Variants in ADCY7 observed in about 807,000 individuals in gnomAD.
The protein encoded by ADCY7 is adenylate cyclase 7.
ADCY7 carries 72 observed loss-of-function variants against 120.6 expected under a neutral mutation model. That is an observed-to-expected ratio of 0.60 (90% CI 0.49 to 0.73). The LOEUF (loss-of-function observed/expected upper bound fraction) is 0.73. Ranked by LOEUF, ADCY7 falls within the 30% of genes least tolerant of loss-of-function variation. ADCY7 has a pLI of 0.00. For missense variants in ADCY7, 1,227 were observed against 1,486.0 expected (o/e 0.83, Z 2.87); for synonymous variants, 661 against 628.0 (o/e 1.05, Z -0.78).
chr16:50,269,372 T>G (rs1361080632), intron 1 of ADCY7, among the ~76,000 whole-genome samples: 1 of 152,178 alleles, frequency 6.6e-6, no homozygotes, highest in South Asian at 2.1e-4. Context: ...GGGGCTCTGG[T>G]TGGTGCTGAG....
chr16:50,286,226 C>G (rs1190760281), intron 1 of ADCY7, among the ~76,000 whole-genome samples: 2 of 151,200 alleles, frequency 1.3e-5, no homozygotes, highest in Non-Finnish European at 3.0e-5. Flanking sequence ...AACCCCATCT[C>G]TACAAAAAAT....
intron 22 of ADCY7, 60 bp downstream of exon 22, chr16:50,313,096 G>T: frequency 6.3e-7 from 1 of 1,596,818 alleles, no homozygotes; most frequent in Non-Finnish European, 8.6e-7. Flanking sequence ...AGGGAAGGGC[G>T]GTGGCACCTG....
rs373637597 is a variant in ADCY7, at chr16:50,308,822, C to T, written c.2061+30C>T. The T allele has an allele frequency of 1.7e-4, 262 of 1,585,566 alleles. 1 individual carries two copies. In the East Asian group the frequency reaches 2.0e-3, roughly 12 times the overall value. ...GTCCCGTGGTGGGGAGGCAGGCCTC[C>T]GGGGTAGAGGGAGACCTCCAGATTT... On this transcript the variant is annotated intron_variant, in intron 17 of 25. Coordinates refer to ENST00000673801, the MANE Select transcript of ADCY7 (RefSeq NM_001114.5).
chr16:50,304,371 AC>A lies in ADCY7; in HGVS notation c.1385del (p.Pro462ArgfsTer15), dbSNP rs1567570479. 2.6e-6 allele frequency: 4 copies of A among 1,523,120 alleles called. No individual in the cohort carries two copies. The highest frequency in any genetic ancestry group is 8.8e-7 in the Non-Finnish European group (1 of 1,132,450). 94.4% of individuals were successfully genotyped at this position (1,523,120 alleles called of 1,614,324 possible). A position where few individuals can be genotyped will look rare whatever the true frequency, so the allele number is the denominator to read the frequency against. On this transcript the variant is annotated frameshift_variant, in exon 11 of 26. Transcript: ENST00000673801. LOFTEE classifies it high-confidence loss of function. ...LVIDPRSQQP[P>X]PPSQHLPRPK... The stretch of plus-strand genomic sequence containing the variant: ...ATGTCTGCCCGCAGAGCCAGCAGCC[AC>A]CCCCGCCCAGCCAACACCTCCCCAG...
intron 7 of ADCY7, among the ~76,000 whole-genome samples, chr16:50,295,923 A>C (rs901040376): frequency 4.6e-5 from 7 of 152,210 alleles, no homozygotes; most frequent in Non-Finnish European, 7.3e-5. Flanking sequence ...GGCTTCCTGG[A>C]AGTGGTGGCC....
chr16:50,260,336 G>T (rs1393386231), intron 1 of ADCY7, among the ~76,000 whole-genome samples: 1 of 152,192 alleles, frequency 6.6e-6, no homozygotes, highest in Non-Finnish European at 1.5e-5. Flanking sequence ...ATAAGTTCAG[G>T]TTCTTTGAGC....
At position 50,308,082 on chromosome 16, in the gene ADCY7, TTGC is replaced by T. The variant is rs372500420; in HGVS notation, c.1851-243_1851-241del. Among the ~76,000 whole-genome samples, 795 of 151,736 alleles carry T rather than the reference TTGC, an allele frequency of 5.2e-3. 9 individuals are homozygous for T. Among genetic ancestry groups the T allele is most frequent in the African/African-American group, 0.018 (752 of 41,350 alleles). ...TCTGAGTCTAAAGGCTGCAGAGACA[TTGC>T]TCATTTCTTATACACTTGGACCAAA... On this transcript the variant is annotated intron_variant, in intron 15 of 25. Coordinates refer to ENST00000673801, the MANE Select transcript of ADCY7 (RefSeq NM_001114.5).
In ADCY7 at chr16:50,304,956, A is replaced by G. The variant is rs140648288; in HGVS notation, c.1592A>G (p.Asp531Gly). ...CCCCAGCGCCACCGCCGGACCCCAG[A>G]CAGGTGCGTGCCCTGCCCTCCTGGC... Reference protein sequence around the residue: ...SVPQRHRRTPDRSMSPKGRSE... With the variant: ...SVPQRHRRTPGRSMSPKGRSE... The change falls in exon 12 of 26, where the codon GAC becomes GGC. Residue 531 changes from aspartate (D) to glycine (G), a missense_variant. Transcript: ENST00000673801. 1.2e-5 allele frequency: 20 copies of G among 1,613,158 alleles called. No homozygotes were observed. Among genetic ancestry groups the G allele is most frequent in the African/African-American group, 4.0e-5 (3 of 74,872 alleles).
At chr16:50,278,874 C>T (rs75393659) in intron 1 of ADCY7, among the ~76,000 whole-genome samples, 4,059 of 79,526 alleles carry the variant, frequency 0.051, 262 homozygotes, top group African/African-American at 0.16. Context: ...CTCTCTCTCT[C>T]TTTTTTTTTT....
chr16:50,313,826 G>A (rs752315932), intron 22 of ADCY7, 132 bp from the exon 23 acceptor site: 1 of 692,060 alleles, frequency 1.4e-6, no homozygotes, highest in Non-Finnish European at 2.5e-6. Flanking sequence ...TCAGCTGGCA[G>A]GGCAGCCATG....
At chr16:50,258,669 C>T (rs2150795062) in intron 1 of ADCY7, among the ~76,000 whole-genome samples, 1 of 151,094 alleles carries the variant, frequency 6.6e-6, no homozygotes, top group Admixed American at 6.6e-5. Flanking sequence ...TTATAGCTCA[C>T]TGCAGCCTTG....
At chr16:50,282,133 T>C (rs1479451963) in intron 1 of ADCY7, among the ~76,000 whole-genome samples, 3 of 152,190 alleles carry the variant, frequency 2.0e-5, no homozygotes, top group Admixed American at 2.0e-4. Context: ...GCCCTGAGCC[T>C]GCTGAGGCTC....
chr16:50,247,678 CCTTT>C (rs996197641), intron 1 of ADCY7, among the ~76,000 whole-genome samples: 8 of 151,866 alleles, frequency 5.3e-5, no homozygotes, highest in South Asian at 2.1e-4. Context: ...CTGTGCCCAG[CCTTT>C]CTTTCTTTCT....
rs1015173975 is a variant in ADCY7 at position 50,261,306 on chromosome 16, C to T, written c.-64+15103C>T. ...CTTCCTGGTAGAGGCGGCACCAGTA[C>T]CTGGCGGGATGGGTAGCATTTTGAG... On this transcript the variant is annotated intron_variant, in intron 1 of 4. Coordinates refer to the ADCY7 transcript ENST00000564044. Among the ~76,000 whole-genome samples, 5 of 152,094 alleles carry T rather than the reference C, an allele frequency of 3.3e-5. No homozygotes were observed. In the South Asian group the frequency reaches 6.2e-4, roughly 19 times the overall value.
In ADCY7 at chr16:50,309,509, T is replaced by A. The variant is rs376869517; in HGVS notation, c.2062-39T>A. On this transcript the variant is annotated intron_variant, in intron 17 of 25. Transcript: ENST00000673801. ...GCATGGCTTGGGCAGGTTCCAGCGT[T>A]CTTGTCCCTGGACTGATGGGGACCT... 3 of 1,571,714 alleles carry A rather than the reference T, an allele frequency of 1.9e-6. No individual in the cohort carries two copies. The African/African-American group carries it at 4.1e-5, about 21-fold the overall frequency.
intron 1 of ADCY7, among the ~76,000 whole-genome samples, chr16:50,261,322 G>A (rs1490423402): frequency 6.6e-6 from 1 of 152,202 alleles, no homozygotes; most frequent in African/African-American, 2.4e-5. Context: ...GGGATGGGTA[G>A]CATTTTGAGC....
At position 50,294,727 on chromosome 16, in the gene ADCY7, T is replaced by G. The variant is rs1454911014; in HGVS notation, c.924T>G (p.Phe308Leu). ...KELVVVLNEL[F>L]GKFDQIAKAN... ...TGGTGGTGGTGCTGAATGAGCTCTT[T>G]GGCAAGTTCGACCAGATCGCCAAGG... Residue 308 changes from phenylalanine to leucine, a missense_variant, in exon 7 of 26, where the codon TTT becomes TTG. This residue lies in a region of ADCY7 where 2 missense variants were observed against 16.1 expected (regional missense o/e 0.12). Transcript: ENST00000673801. The G allele has an allele frequency of 2.5e-6, 4 of 1,613,652 alleles. No homozygotes were observed. The highest frequency in any genetic ancestry group is 2.5e-6 in the Non-Finnish European group (3 of 1,179,754).
chr16:50,269,732 C>A (rs780137275), intron 1 of ADCY7, among the ~76,000 whole-genome samples: 3 of 152,180 alleles, frequency 2.0e-5, no homozygotes, highest in Non-Finnish European at 4.4e-5. Context: ...AGCATCCTCT[C>A]TCCTACCTCT....
At chr16:50,304,818 C>G in intron 11 of ADCY7, 107 bp from the exon 12 acceptor site, 3 of 1,481,686 alleles carry the variant, frequency 2.0e-6, no homozygotes, top group Non-Finnish European at 2.8e-6. Flanking sequence ...ACCCCGACAC[C>G]TTGTCCTGTG....
Sources: gnomAD v4.1 joint callset for allele counts (sites outside exome capture counted in the v4.1 genomes callset) on GRCh38, gnomAD v4.1.1 for gene constraint, gnomAD v4.1.1 regional missense constraint, MANE v1.5 for transcripts, NCBI Gene and HGNC (gene_info 2026-07-23, HGNC 2026-07-21) for gene names.